NFAT5: variants seen among roughly 807,000 people sequenced by gnomAD.
The protein encoded by NFAT5 is nuclear factor of activated T-cells 5.
Under a neutral mutation model 166.5 loss-of-function variants are expected in NFAT5, and 31 were observed. The ratio of observed to expected loss-of-function variants is 0.19; its 90% CI spans 0.14 to 0.25. NFAT5 has a LOEUF of 0.25. Ranked by LOEUF, NFAT5 falls within the 10% of genes least tolerant of loss-of-function variation. The pLI, the probability that NFAT5 is intolerant of heterozygous loss-of-function variation, is 1.00. For synonymous variants in NFAT5, 612 were observed against 639.7 expected (o/e 0.96, Z 0.65); for missense variants, 1,449 against 1,821.8 (o/e 0.80, Z 3.72).
At chr16:69,649,665 C>A (rs1447263414) in intron 4 of NFAT5, 13 of 540,496 alleles carry the variant, frequency 2.4e-5, no homozygotes, top group Non-Finnish European at 2.8e-5. Context: ...TGAAACCATA[C>A]CTAAATATAT....
Position 69,602,135 on chromosome 16 carries a change from T to C in NFAT5, c.128-24268T>C, listed in dbSNP as rs1222164376. On this transcript the variant is annotated intron_variant, in intron 2 of 14. Coordinates refer to ENST00000349945, the MANE Select transcript of NFAT5 (RefSeq NM_138713.4). ...TGAAAGCATAAGGCTTTTTTTTTCA[T>C]TGGGAGAACTCTATAACTGAGATGA... Among the ~76,000 whole-genome samples the C allele has an allele frequency of 3.9e-5, 6 of 152,176 alleles. No homozygotes were observed. The East Asian group carries it at 1.2e-3, about 29-fold the overall frequency.
intron 7 of NFAT5, among the ~76,000 whole-genome samples, chr16:69,667,332 A>AT (rs202081646): frequency 6.6e-6 from 1 of 151,972 alleles, no homozygotes; most frequent in East Asian, 1.9e-4. Context: ...ATAATAATAC[A>AT]TTTAAAAAAA....
At chr16:69,671,540 T>C (rs943647188) in intron 9 of NFAT5, among the ~76,000 whole-genome samples, 2 of 152,186 alleles carry the variant, frequency 1.3e-5, no homozygotes, top group Non-Finnish European at 2.9e-5. Context: ...CCAGCTAATT[T>C]TTGTATTTTT....
intron 2 of NFAT5, among the ~76,000 whole-genome samples, chr16:69,621,351 G>A (rs1295720712): frequency 1.3e-5 from 2 of 151,794 alleles, no homozygotes; most frequent in Non-Finnish European, 2.9e-5. Flanking sequence ...TAAATACAGA[G>A]TTGTGTAACC....
intron 2 of NFAT5, among the ~76,000 whole-genome samples, chr16:69,587,529 A>G (rs914179881): frequency 1.3e-5 from 2 of 151,624 alleles, no homozygotes; most frequent in African/African-American, 4.9e-5. Context: ...AGCTGGGACT[A>G]CAGGCGCCGC....
chr16:69,607,988 G>A (rs1290590100), intron 2 of NFAT5, among the ~76,000 whole-genome samples: 2 of 152,044 alleles, frequency 1.3e-5, no homozygotes, highest in Non-Finnish European at 2.9e-5. Context: ...TTTCAAAAGG[G>A]CCATGGTGCT....
chr16:69,677,291 G>A lies in NFAT5; in HGVS notation c.1646G>A (p.Gly549Glu). The A allele has an allele frequency of 6.2e-7, 1 of 1,612,012 alleles. No homozygotes were observed. Among genetic ancestry groups the A allele is most frequent in the South Asian group, 1.1e-5 (1 of 90,462 alleles). ...GGAATATATGTAGTGACAAATGCTGGAAGATCTCATGATGTTCAACCATTC... is the reference window on the plus strand; with the variant it reads ...GGAATATATGTAGTGACAAATGCTGAAAGATCTCATGATGTTCAACCATTC... ...SVGIYVVTNAGRSHDVQPFTY... is the reference protein window; with the variant it reads ...SVGIYVVTNAERSHDVQPFTY... Residue 549 changes from glycine to glutamate, a missense_variant, in exon 10 of 15, where the codon GGA (glycine) becomes GAA (glutamate). Around this residue, in one of 7 missense-constraint regions of NFAT5, gnomAD observed 245 missense variants for 366.6 expected, o/e 0.67. Transcript: ENST00000349945.
At chr16:69,583,726 T>C (rs930396417) in intron 2 of NFAT5, among the ~76,000 whole-genome samples, 1 of 152,144 alleles carries the variant, frequency 6.6e-6, no homozygotes, top group Non-Finnish European at 1.5e-5. Context: ...TTGTAACACC[T>C]GGCACAAATG....
At chr16:69,619,024 A>G (rs935459183) in intron 2 of NFAT5, among the ~76,000 whole-genome samples, 6 of 152,216 alleles carry the variant, frequency 3.9e-5, no homozygotes, top group Middle Eastern at 3.4e-3. Context: ...TTTATTATCC[A>G]CCTCTGTATA....
intron 3 of NFAT5, among the ~76,000 whole-genome samples, chr16:69,628,129 C>A (rs146007502): frequency 1.5e-3 from 235 of 151,814 alleles, no homozygotes; most frequent in Non-Finnish European, 2.6e-3. Context: ...AAGAACAGTT[C>A]TTCCTTTTAG....
At chr16:69,568,346 ATGTGTGTGTG>A (rs1555515541) in intron 1 of NFAT5, 139 bp from the exon 2 acceptor site, 3 of 180,614 alleles carry the variant, frequency 1.7e-5, no homozygotes, top group East Asian at 9.6e-5. Flanking sequence ...ATATATATAT[ATGTGTGTGTG>A]TGTGTGTGTG....
intron 9 of NFAT5, chr16:69,676,967 T>A (rs1302914382): frequency 7.3e-6 from 3 of 412,928 alleles, no homozygotes; most frequent in Non-Finnish European, 1.3e-5. Flanking sequence ...AGGAATGAGA[T>A]GAAGTTGACA....
intron 2 of NFAT5, among the ~76,000 whole-genome samples, chr16:69,570,390 A>G (rs1286244999): frequency 6.6e-6 from 1 of 152,068 alleles, no homozygotes; most frequent in Non-Finnish European, 1.5e-5. Context: ...ATAAAAGTAG[A>G]GAGAATAAAA....
chr16:69,692,949 T>C lies in NFAT5; in HGVS notation c.3124T>C (p.Phe1042Leu). ...SGDNQPQVNL[F>L]SSTKSMMSVQ... ...GGACAATCAACCTCAAGTTAACCTT[T>C]TTTCATCCACAAAAAGTATGATGAG... is the stretch of plus-strand genomic sequence containing the variant. The change falls in exon 13 of 15, where the codon TTT becomes CTT. Residue 1042 changes from phenylalanine (F) to leucine (L), a missense_variant. Phe to Leu is a conservative substitution (Grantham distance 22). Transcript: ENST00000349945. 5 of 1,614,170 alleles carry C rather than the reference T, an allele frequency of 3.1e-6. No individual in the cohort carries two copies. The highest frequency in any genetic ancestry group is 3.4e-6 in the Non-Finnish European group (4 of 1,180,034).
chr16:69,569,501 T>TGGA (rs2016309337), intron 2 of NFAT5, among the ~76,000 whole-genome samples: 1 of 152,160 alleles, frequency 6.6e-6, no homozygotes. Flanking sequence ...TTGCCTCCCT[T>TGGA]GGAGGTAGTC....
intron 3 of NFAT5, among the ~76,000 whole-genome samples, chr16:69,634,309 G>A (rs1247697777): frequency 6.8e-6 from 1 of 146,358 alleles, no homozygotes; most frequent in Non-Finnish European, 1.5e-5. Context: ...ATCATACATA[G>A]TAAAATGGTA....
At chr16:69,594,212 G>A (rs1259785810) in intron 2 of NFAT5, among the ~76,000 whole-genome samples, 1 of 152,180 alleles carries the variant, frequency 6.6e-6, no homozygotes, top group East Asian at 1.9e-4. Context: ...AACCTATGTG[G>A]TATAGCCTGC....
In NFAT5 at chr16:69,701,481, C is replaced by T. The variant is rs2037897641; in HGVS notation, c.*5130C>T. 1 of 152,562 alleles carries T rather than the reference C, an allele frequency of 6.6e-6. No individual in the cohort carries two copies. Among genetic ancestry groups the T allele is most frequent in the Admixed American group, 6.6e-5 (1 of 15,262 alleles). 9.5% of individuals were successfully genotyped at this position (152,562 alleles called of 1,614,324 possible). On this transcript the variant is annotated 3_prime_UTR_variant, in exon 15 of 15. Coordinates refer to ENST00000349945, the MANE Select transcript of NFAT5 (RefSeq NM_138713.4). ...CCAGCTTTTACTTTTTCCATTTAAA[C>T]CTTCTTTTCTCCATTTCTTCCCTTT... is the stretch of plus-strand genomic sequence containing the variant.
chr16:69,641,681 A>G (rs2035221398), intron 3 of NFAT5, among the ~76,000 whole-genome samples: 1 of 152,166 alleles, frequency 6.6e-6, no homozygotes, highest in Admixed American at 6.5e-5. Flanking sequence ...GCACTAATAT[A>G]TTATGGTAGT....
Sources: allele counts gnomAD v4.1 joint callset (sites outside exome capture counted in the v4.1 genomes callset), GRCh38; gene constraint gnomAD v4.1.1; regional missense constraint gnomAD v4.1.1; transcripts MANE v1.5; gene names NCBI Gene and HGNC (gene_info 2026-07-23, HGNC 2026-07-21).